Variants in PCDHGB7 observed in about 807,000 individuals in gnomAD.
The protein encoded by PCDHGB7 is protocadherin gamma subfamily B, 7.
A neutral mutation model predicts 61.4 loss-of-function variants in PCDHGB7; 37 were observed. That is an observed-to-expected ratio of 0.60 (90% CI 0.46 to 0.79). The LOEUF (loss-of-function observed/expected upper bound fraction) is 0.79, where lower values mean the gene tolerates loss of function less well. PCDHGB7 is among the 30% of genes least tolerant of loss of function. PCDHGB7 has a pLI of 0.00. For missense variants in PCDHGB7, 1,166 were observed against 1,202.5 expected (o/e 0.97, Z 0.45); for synonymous variants, 464 against 503.5 (o/e 0.92, Z 1.05).
chr5:141,419,175 C>A lies in PCDHGB7; in HGVS notation c.1316C>A (p.Thr439Asn), dbSNP rs185228661. Residue 439 changes from threonine (T) to asparagine (N), a missense_variant, in exon 1 of 4, where the codon ACC (threonine) becomes AAC (asparagine). By Grantham distance (65) the Thr-to-Asn change is moderately conservative. Transcript: ENST00000398594. ...KPPLSSSKTI[T>N]LHITDVNDNA... Reference sequence around the variant, plus strand: ...CCGTTATCCTCCAGCAAAACCATAACCCTGCACATTACTGACGTCAATGAC... The same window carrying A: ...CCGTTATCCTCCAGCAAAACCATAAACCTGCACATTACTGACGTCAATGAC... The A allele has an allele frequency of 5.2e-4, 837 of 1,613,966 alleles. 3 individuals carry two copies. Among genetic ancestry groups the A allele is most frequent in the Non-Finnish European group, 9.3e-5 (110 of 1,179,894 alleles).
chr5:141,417,732 C>G lies in PCDHGB7; in HGVS notation c.-128C>G, dbSNP rs2096153715. On this transcript the variant is annotated 5_prime_UTR_variant, in exon 1 of 4. Transcript: ENST00000398594. ...GGCTCCCGGCTGCGCAGACCTTGCCCAGCACACCAGATTGCCAGCTCCGAG... is the reference window on the plus strand; with the variant it reads ...GGCTCCCGGCTGCGCAGACCTTGCCGAGCACACCAGATTGCCAGCTCCGAG... 6 of 1,390,462 alleles carry G rather than the reference C, an allele frequency of 4.3e-6. No individual in the cohort carries two copies. The highest frequency in any genetic ancestry group is 3.8e-6 in the Non-Finnish European group (4 of 1,054,532). The allele number at this position is 1,390,462 out of a possible 1,614,324, so 86.1% of individuals were successfully genotyped here. A position where few individuals can be genotyped will look rare whatever the true frequency, so the allele number is the denominator to read the frequency against.
intron 1 of PCDHGB7, chr5:141,423,357 C>T: frequency 6.2e-7 from 1 of 1,614,214 alleles, no homozygotes; most frequent in Non-Finnish European, 8.5e-7. Context: ...TCTTTGTCAT[C>T]GTGCTGCTGG....
intron 1 of PCDHGB7, among the ~76,000 whole-genome samples, chr5:141,450,829 A>AT (rs373424450): frequency 7.2e-4 from 97 of 135,128 alleles, no homozygotes; most frequent in East Asian, 1.8e-3. Flanking sequence ...TATTATTATT[A>AT]TTTTTTTTTT....
intron 1 of PCDHGB7, chr5:141,430,886 T>C: frequency 6.2e-7 from 1 of 1,605,190 alleles, no homozygotes; most frequent in Non-Finnish European, 8.5e-7. Context: ...GGAGAAAGGC[T>C]CTAGGGTGGG....
chr5:141,504,763 C>G (rs1057360921), intron 2 of PCDHGB7, among the ~76,000 whole-genome samples: 5 of 152,018 alleles, frequency 3.3e-5, no homozygotes, highest in African/African-American at 1.2e-4. Context: ...AATTTCTTCT[C>G]CCTGCTCCAG....
At position 141,477,687 on chromosome 5, in the gene PCDHGB7, C is replaced by A. The variant is rs1206813120; in HGVS notation, c.2416-17120C>A. The A allele has an allele frequency of 5.6e-6, 9 of 1,614,022 alleles. No homozygotes were observed. The highest frequency in any genetic ancestry group is 7.6e-6 in the Non-Finnish European group (9 of 1,180,040). ...AATGGCATAGTGTCATCCTTAGTGC[C>A]CCTAGACTATGAGGATCGGCGGGAA... On this transcript the variant is annotated intron_variant, in intron 1 of 3. Coordinates refer to ENST00000398594, the MANE Select transcript of PCDHGB7 (RefSeq NM_018927.4). This position sits in a 1 kb window ranked among gnomAD's most constrained non-coding sequence, Gnocchi z 4.9.
At chr5:141,430,774 A>G (rs1269572813) in intron 1 of PCDHGB7, 11 of 1,508,872 alleles carry the variant, frequency 7.3e-6, no homozygotes, top group Non-Finnish European at 8.8e-7. Context: ...TTCCTGCGCG[A>G]CTGCACCGGG....
At chr5:141,461,408 CAT>C (rs1491314585) in intron 1 of PCDHGB7, among the ~76,000 whole-genome samples, 2 of 151,994 alleles carry the variant, frequency 1.3e-5, no homozygotes, top group South Asian at 2.1e-4. Flanking sequence ...AGCATTTTTT[CAT>C]ATGTTTGTGG....
Position 141,476,758 on chromosome 5 carries a change from G to A in PCDHGB7, c.2416-18049G>A. On this transcript the variant is annotated intron_variant, in intron 1 of 3. Transcript: ENST00000398594. The surrounding 1 kb of genome is among the most constrained non-coding windows in gnomAD (Gnocchi z 7.6). Reference sequence around the variant, plus strand: ...GGGAGCCTAGTCTCCAGTTAGTGCTGACGGCGTTGGACGGAGGGACCCCAG... The same window carrying A: ...GGGAGCCTAGTCTCCAGTTAGTGCTAACGGCGTTGGACGGAGGGACCCCAG... 1 of 1,613,868 alleles carries A rather than the reference G, an allele frequency of 6.2e-7. No homozygotes were observed. The highest frequency in any genetic ancestry group is 1.1e-5 in the South Asian group (1 of 91,086).
intron 2 of PCDHGB7, among the ~76,000 whole-genome samples, chr5:141,503,222 G>A (rs540244346): frequency 2.2e-4 from 34 of 152,120 alleles, no homozygotes; most frequent in African/African-American, 7.7e-4. Context: ...CATGAGCACC[G>A]TAAAGATGGA....
At chr5:141,499,115 C>T (rs940275925) in intron 2 of PCDHGB7, among the ~76,000 whole-genome samples, 16 of 152,124 alleles carry the variant, frequency 1.1e-4, no homozygotes, top group African/African-American at 3.9e-4. Context: ...CACCACTATC[C>T]CTTCTCAGGT....
chr5:141,419,370 A>G lies in PCDHGB7; in HGVS notation c.1511A>G (p.Tyr504Cys), dbSNP rs1460064670. 3 of 1,613,574 alleles carry G rather than the reference A, an allele frequency of 1.9e-6. No individual in the cohort carries two copies. The highest frequency in any genetic ancestry group is 2.7e-5 in the African/African-American group (2 of 74,926). Reference protein sequence around the residue: ...SDLESRTLSSYVSVSAQSGVV... With the variant: ...SDLESRTLSSCVSVSAQSGVV... ...CTGGAGTCACGAACGCTGTCGTCCT[A>G]CGTGTCCGTGAGCGCGCAGAGCGGG... The change falls in exon 1 of 4, where the codon TAC (tyrosine) becomes TGC (cysteine). Residue 504 changes from tyrosine (Y) to cysteine (C), a missense_variant. Tyr to Cys is a radical substitution (Grantham distance 194). Coordinates refer to ENST00000398594, the MANE Select transcript of PCDHGB7 (RefSeq NM_018927.4).
At chr5:141,458,289 T>G (rs2154566205) in intron 1 of PCDHGB7, among the ~76,000 whole-genome samples, 1 of 152,280 alleles carries the variant, frequency 6.6e-6, no homozygotes, top group African/African-American at 2.4e-5. Flanking sequence ...CTGGTCCTCA[T>G]GCTGGTTTAG....
chr5:141,425,881 A>C (rs911454948), intron 1 of PCDHGB7, among the ~76,000 whole-genome samples: 1 of 152,230 alleles, frequency 6.6e-6, no homozygotes, highest in African/African-American at 2.4e-5. Context: ...TCTCTAAGGA[A>C]TCTTCTTTGG....
In PCDHGB7 at chr5:141,418,594, C is replaced by A; in HGVS notation, c.735C>A (p.Asp245Glu). 4 of 1,614,022 alleles carry A rather than the reference C, an allele frequency of 2.5e-6. No homozygotes were observed. Among genetic ancestry groups the A allele is most frequent in the Non-Finnish European group, 3.4e-6 (4 of 1,179,896 alleles). Residue 245 changes from aspartate (D) to glutamate (E), a missense_variant, in exon 1 of 4, where the codon GAC becomes GAA. By Grantham distance (45) the Asp-to-Glu change is conservative. Transcript: ENST00000398594. ...ANDNPPVFSQDVYRVSLREDV... is the reference protein window; with the variant it reads ...ANDNPPVFSQEVYRVSLREDV... ...ACAACCCCCCAGTGTTCAGCCAGGA[C>A]GTGTACAGGGTTAGCCTTCGGGAAG...
In PCDHGB7 at chr5:141,485,340, C is replaced by T. The variant is rs139641513; in HGVS notation, c.2416-9467C>T. ...GTCGCTCAAGATTTCCTGCTGGATA[C>T]GGACAGTCTGTCAGCTCGCAGGCTG... is the stretch of plus-strand genomic sequence containing the variant. On this transcript the variant is annotated intron_variant, in intron 1 of 3. Coordinates refer to ENST00000398594, the MANE Select transcript of PCDHGB7 (RefSeq NM_018927.4). This position sits in a 1 kb window ranked among gnomAD's most constrained non-coding sequence, Gnocchi z 5.7. 1.2e-6 allele frequency: 2 copies of T among 1,613,958 alleles called. No individual in the cohort carries two copies. Among genetic ancestry groups the T allele is most frequent in the East Asian group, 2.2e-5 (1 of 44,884 alleles).
chr5:141,478,095 C>T, intron 1 of PCDHGB7: 5 of 1,614,100 alleles, frequency 3.1e-6, no homozygotes, highest in Non-Finnish European at 4.2e-6. Context: ...TCCACCACTG[C>T]TACCCTCACT....
chr5:141,492,072 C>G (rs2099736816), intron 1 of PCDHGB7: 2 of 480,040 alleles, frequency 4.2e-6, no homozygotes, highest in East Asian at 3.3e-5. Context: ...TCCTAGGCGC[C>G]GGCTCCGGCA....
intron 1 of PCDHGB7, chr5:141,422,697 C>T (rs1406213402): frequency 3.7e-6 from 6 of 1,603,284 alleles, no homozygotes; most frequent in South Asian, 1.1e-5. Flanking sequence ...TGGTCACTTA[C>T]TCTCTGACGG....
Sources: allele counts gnomAD v4.1 joint callset (sites outside exome capture counted in the v4.1 genomes callset), GRCh38; gene constraint gnomAD v4.1.1; non-coding constraint Gnocchi (gnomAD v3.1); transcripts MANE v1.5; gene names NCBI Gene and HGNC (gene_info 2026-07-23, HGNC 2026-07-21).